The following ZNF407 variants were observed in gnomAD, a reference collection of about 807,000 sequenced individuals.
The protein encoded by ZNF407 is zinc finger protein 407.
ZNF407 carries 17 observed loss-of-function variants against 131.2 expected under a neutral mutation model. The observed-to-expected ratio is 0.13, with a 90% CI of 0.09 to 0.19. The LOEUF (loss-of-function observed/expected upper bound fraction) is 0.19. ZNF407 is among the 10% of genes least tolerant of loss of function. The probability of loss-of-function intolerance (pLI) is 1.00; values close to 1 mark genes in which losing one functional copy is unlikely to be tolerated. For synonymous variants in ZNF407, 1,156 were observed against 1,062.0 expected (o/e 1.09, Z -1.72); for missense variants, 2,681 against 2,830.6 (o/e 0.95, Z 1.20).
intron 4 of ZNF407, among the ~76,000 whole-genome samples, chr18:74,815,379 A>C (rs1468646575): frequency 6.6e-6 from 1 of 152,172 alleles, no homozygotes; most frequent in African/African-American, 2.4e-5. Flanking sequence ...CTACCCAAGT[A>C]GCACAGTGTC....
intron 4 of ZNF407, among the ~76,000 whole-genome samples, chr18:74,868,938 C>T (rs1199677470): frequency 6.6e-6 from 1 of 152,138 alleles, no homozygotes; most frequent in African/African-American, 2.4e-5. Context: ...TAGGTTTCTA[C>T]ATAGCATGGA....
At chr18:74,873,186 A>T (rs747960689) in intron 4 of ZNF407, among the ~76,000 whole-genome samples, 1 of 152,194 alleles carries the variant, frequency 6.6e-6, no homozygotes, top group Non-Finnish European at 1.5e-5. Flanking sequence ...TCAGTTCCCT[A>T]CTTATTCTTT....
At chr18:74,753,167 T>C (rs1968847659) in intron 3 of ZNF407, among the ~76,000 whole-genome samples, 3 of 152,232 alleles carry the variant, frequency 2.0e-5, no homozygotes, top group Non-Finnish European at 4.4e-5. Flanking sequence ...AGTTCACTCA[T>C]GATTTGGCTC....
chr18:74,660,095 G>T (rs1038618839), intron 3 of ZNF407, among the ~76,000 whole-genome samples: 3 of 152,018 alleles, frequency 2.0e-5, no homozygotes, highest in African/African-American at 7.2e-5. Flanking sequence ...ATAAATCAAT[G>T]ATCAGCATGG....
intron 3 of ZNF407, among the ~76,000 whole-genome samples, chr18:74,726,623 A>T (rs911705269): frequency 2.0e-5 from 3 of 152,238 alleles, no homozygotes; most frequent in Non-Finnish European, 4.4e-5. Context: ...TTTTTATCCT[A>T]TCTTGTCAGG....
At chr18:74,639,417 T>A (rs947780237) in intron 2 of ZNF407, among the ~76,000 whole-genome samples, 1 of 152,212 alleles carries the variant, frequency 6.6e-6, no homozygotes, top group Non-Finnish European at 1.5e-5. Flanking sequence ...GTTGGTAAAT[T>A]GGTTCTTCAC....
intron 8 of ZNF407, among the ~76,000 whole-genome samples, chr18:74,962,406 C>T (rs983701170): frequency 6.6e-6 from 1 of 152,256 alleles, no homozygotes. Flanking sequence ...TGCATACTGA[C>T]ATGGCGTGGG....
At chr18:74,858,295 G>A (rs1450062150) in intron 4 of ZNF407, among the ~76,000 whole-genome samples, 1 of 151,694 alleles carries the variant, frequency 6.6e-6, no homozygotes, top group African/African-American at 2.4e-5. Flanking sequence ...ATTTCCTATG[G>A]GTACCATCAA....
In ZNF407 at chr18:74,874,386, C is replaced by A. The variant is rs193093567; in HGVS notation, c.4878-2811C>A. On this transcript the variant is annotated intron_variant, in intron 4 of 8. Coordinates refer to ENST00000299687, the MANE Select transcript of ZNF407 (RefSeq NM_017757.3). ...AAATTCAGTTATGCAAGAAATCTCT[C>A]AGGAAAGTCCACCATGTGGGGATAG... 3.4e-3 allele frequency among the ~76,000 whole-genome samples: 518 copies of A among 152,324 alleles called. 9 individuals are homozygous for A. The highest frequency in any genetic ancestry group is 0.018 in the South Asian group (85 of 4,826).
chr18:74,885,490 A>C (rs537416133), intron 6 of ZNF407, among the ~76,000 whole-genome samples: 19 of 152,326 alleles, frequency 1.2e-4, no homozygotes, highest in South Asian at 4.1e-4. Flanking sequence ...AGCTGATATT[A>C]AAATTTATAT....
intron 1 of ZNF407, among the ~76,000 whole-genome samples, chr18:74,603,105 A>G (rs1001030838): frequency 2.0e-5 from 3 of 152,176 alleles, no homozygotes; most frequent in Admixed American, 6.5e-5. Flanking sequence ...TGAAGAGTTT[A>G]TTGTAAGGGC....
intron 1 of ZNF407, among the ~76,000 whole-genome samples, chr18:74,617,122 A>G (rs1983344019): frequency 4.6e-3 from 679 of 147,608 alleles, no homozygotes; most frequent in South Asian, 7.0e-3. Flanking sequence ...CACACCACAC[A>G]CATCCATATC....
At chr18:75,044,696 A>G (rs1237511786) in intron 8 of ZNF407, among the ~76,000 whole-genome samples, 3 of 152,236 alleles carry the variant, frequency 2.0e-5, no homozygotes, top group African/African-American at 7.2e-5. Flanking sequence ...GTGGTTTAAA[A>G]TAAATATATT....
intron 6 of ZNF407, among the ~76,000 whole-genome samples, chr18:74,882,761 G>A (rs1323017237): frequency 2.6e-5 from 4 of 152,220 alleles, no homozygotes; most frequent in Non-Finnish European, 5.9e-5. Context: ...CATAAGAGAT[G>A]ACAGGAGGGG....
chr18:74,684,460 C>T (rs1967053084), intron 3 of ZNF407, among the ~76,000 whole-genome samples: 1 of 152,064 alleles, frequency 6.6e-6, no homozygotes, highest in Non-Finnish European at 1.5e-5. Context: ...GTAAAGTGCT[C>T]TGGATAAATT....
At chr18:74,960,074 G>A (rs1186114117) in intron 8 of ZNF407, among the ~76,000 whole-genome samples, 1 of 152,188 alleles carries the variant, frequency 6.6e-6, no homozygotes, top group African/African-American at 2.4e-5. Flanking sequence ...AAGATCAGTG[G>A]TTTTCTCTGA....
chr18:74,764,477 A>T (rs1009496981), intron 3 of ZNF407, among the ~76,000 whole-genome samples: 3 of 152,170 alleles, frequency 2.0e-5, no homozygotes, highest in Non-Finnish European at 4.4e-5. Context: ...CTTGGGTTCT[A>T]CTTTTGTGGA....
chr18:74,706,672 C>G (rs1967630701), intron 3 of ZNF407, among the ~76,000 whole-genome samples: 1 of 152,128 alleles, frequency 6.6e-6, no homozygotes, highest in South Asian at 2.1e-4. Context: ...GTGATGAATG[C>G]TTTGAAGAAA....
chr18:74,707,992 A>G (rs1157197640), intron 3 of ZNF407, among the ~76,000 whole-genome samples: 2 of 152,250 alleles, frequency 1.3e-5, no homozygotes, highest in Non-Finnish European at 2.9e-5. Flanking sequence ...TAAATATGAC[A>G]TTAATTTTTA....
Sources: allele counts gnomAD v4.1 joint callset (sites outside exome capture counted in the v4.1 genomes callset), GRCh38; gene constraint gnomAD v4.1.1; transcripts MANE v1.5; gene names NCBI Gene and HGNC (gene_info 2026-07-23, HGNC 2026-07-21).